Variants in EPG5 observed in about 807,000 individuals in gnomAD.
EPG5 encodes the protein ectopic P granules protein 5 homolog.
In EPG5, 159 loss-of-function variants were observed where a neutral mutation model predicts 302.7. The ratio of observed to expected loss-of-function variants is 0.53; its 90% CI spans 0.46 to 0.60. EPG5 has a LOEUF of 0.60. Among genes scored for constraint, EPG5 ranks in the 20% least tolerant of loss-of-function variants. The probability of loss-of-function intolerance (pLI) is 0.00; values close to 1 mark genes in which losing one functional copy is unlikely to be tolerated. For synonymous variants in EPG5, 1,158 were observed against 1,136.8 expected, an observed-to-expected ratio of 1.02 and a Z score of -0.37; for missense variants, 2,896 against 3,092.4, an observed-to-expected ratio of 0.94 and a Z score of 1.51.
intron 42 of EPG5, among the ~76,000 whole-genome samples, chr18:45,857,121 T>C (rs555263889): frequency 6.6e-6 from 1 of 152,058 alleles, no homozygotes; most frequent in Admixed American, 6.6e-5. Flanking sequence ...ATTTATTTAT[T>C]TATTTTTAGA....
intron 12 of EPG5, 48 bp downstream of exon 12, chr18:45,930,628 T>C (rs1248204499): frequency 4.1e-6 from 6 of 1,468,328 alleles, no homozygotes; most frequent in Non-Finnish European, 5.4e-6. Context: ...AGATGGACAA[T>C]CCAAAAGAAA....
At chr18:45,811,654 A>G in the EPG5 span, among the ~76,000 whole-genome samples, 1 of 152,232 alleles carries the variant, frequency 6.6e-6, no homozygotes, top group Non-Finnish European at 1.5e-5. Context: ...AAACAGAACC[A>G]AAGACAAAAA....
intron 40 of EPG5, 66 bp downstream of exon 40, chr18:45,860,038 G>T (rs1011950215): frequency 7.0e-6 from 11 of 1,582,388 alleles, no homozygotes; most frequent in Non-Finnish European, 9.5e-6. Flanking sequence ...CATATCTGCT[G>T]ATGACAATGC....
rs952888708 is a variant in EPG5 at position 45,946,836 on chromosome 18, A to C, written c.1572-68T>G. On this transcript the variant is annotated intron_variant, in intron 6 of 43. Coordinates refer to ENST00000282041, the MANE Select transcript of EPG5 (RefSeq NM_020964.3). ...TACGTGAGTGCATTGTGGATTCTCT[A>C]CTCACCCTGAAGAAGAGCCACACAT... The C allele has an allele frequency of 1.9e-5, 23 of 1,235,520 alleles. No individual in the cohort carries two copies. The East Asian group carries it at 5.4e-4, about 29-fold the overall frequency. The allele number at this position is 1,235,520 out of a possible 1,614,324, so 76.5% of individuals were successfully genotyped here.
chr18:45,945,335 A>C (rs946846031), intron 7 of EPG5, among the ~76,000 whole-genome samples: 5 of 152,164 alleles, frequency 3.3e-5, no homozygotes, highest in Admixed American at 6.5e-5. Context: ...CAAGGTTTGC[A>C]AGTTGCCCAG....
chr18:45,943,217 T>A lies in EPG5; in HGVS notation c.1887A>T (p.Glu629Asp). The A allele has an allele frequency of 6.2e-7, 1 of 1,614,178 alleles. No homozygotes were observed. The highest frequency in any genetic ancestry group is 8.5e-7 in the Non-Finnish European group (1 of 1,180,028). ...GCCTATAGCGTGCTCTATTAAAGGT[T>A]TCTAACCCCACAGCCAGAAGTTCCA... is the stretch of plus-strand genomic sequence containing the variant. Reference protein sequence around the residue: ...SLVELLAVGLETFNRARYRQF... With the variant: ...SLVELLAVGLDTFNRARYRQF... The change falls in exon 9 of 44, where the codon GAA becomes GAT. Residue 629 changes from glutamate to aspartate, a missense_variant. Physicochemically the swap from Glu to Asp is conservative, Grantham distance 45. Coordinates refer to ENST00000282041, the MANE Select transcript of EPG5 (RefSeq NM_020964.3).
At chr18:45,954,045 A>G (rs1456185796) in intron 2 of EPG5, 1 of 397,512 alleles carries the variant, frequency 2.5e-6, no homozygotes, top group African/African-American at 2.2e-5. Context: ...TTTGCAAATT[A>G]GGATTCCTCA....
At position 45,943,143 on chromosome 18, in the gene EPG5, G is replaced by A. The variant is rs1326536792; in HGVS notation, c.1943+18C>T. 2 of 1,612,190 alleles carry A rather than the reference G, an allele frequency of 1.2e-6. No homozygotes were observed. Among genetic ancestry groups the A allele is most frequent in the East Asian group, 4.5e-5 (2 of 44,846 alleles). ...AGGGTGAAAGGAACAGAGAAGGGTA[G>A]AGCAACAGCAGTATTACCTGATCAT... On this transcript the variant is annotated intron_variant, in intron 9 of 43. Coordinates refer to ENST00000282041, the MANE Select transcript of EPG5 (RefSeq NM_020964.3).
chr18:45,904,133 A>C lies in EPG5; in HGVS notation c.4330-16T>G. 1 of 1,605,870 alleles carries C rather than the reference A, an allele frequency of 6.2e-7. No homozygotes were observed. Among genetic ancestry groups the C allele is most frequent in the Non-Finnish European group, 8.5e-7 (1 of 1,178,024 alleles). ...TCCACAGATCCTGAAACAGAACGAC[A>C]GTACTTTAACTCTGACAGACAAGTC... On this transcript the variant is annotated splice_polypyrimidine_tract_variant and intron_variant, in intron 24 of 43. Coordinates refer to ENST00000282041, the MANE Select transcript of EPG5 (RefSeq NM_020964.3).
intron 35 of EPG5, among the ~76,000 whole-genome samples, chr18:45,872,454 G>A (rs993318621): frequency 3.3e-5 from 5 of 152,128 alleles, no homozygotes; most frequent in African/African-American, 9.7e-5. Flanking sequence ...TTGCAATCCC[G>A]GCACTTTGGG....
chr18:45,877,169 G>T (rs1177877018), intron 34 of EPG5, among the ~76,000 whole-genome samples: 2 of 152,148 alleles, frequency 1.3e-5, no homozygotes, highest in African/African-American at 4.8e-5. Context: ...GGCAGAAGTG[G>T]GCAGACTGCT....
chr18:45,808,351 G>T, the EPG5 span, among the ~76,000 whole-genome samples: 172 of 152,236 alleles, frequency 1.1e-3, 1 homozygote, highest in Admixed American at 5.2e-4. Flanking sequence ...TAGAGATCTA[G>T]ACATCCAAAT....
chr18:45,952,256 C>T (rs2050924798), intron 3 of EPG5, 144 bp downstream of exon 3: 2 of 929,440 alleles, frequency 2.2e-6, no homozygotes, highest in African/African-American at 3.3e-5. Flanking sequence ...GATCTCAATC[C>T]TACAGTGGGG....
chr18:45,949,845 G>A (rs2143700071), intron 4 of EPG5, among the ~76,000 whole-genome samples: 1 of 152,186 alleles, frequency 6.6e-6, no homozygotes, highest in Non-Finnish European at 1.5e-5. Context: ...CTAATTTCCT[G>A]GCCACAAGTG....
rs114523378 is a variant in EPG5 at position 45,852,197 on chromosome 18, C to T, written c.*270G>A. The T allele has an allele frequency of 0.01, 3,030 of 299,772 alleles. 51 individuals carry two copies. Among genetic ancestry groups the T allele is most frequent in the African/African-American group, 0.047 (2,160 of 45,696 alleles). The allele number at this position is 299,772 out of a possible 1,614,324, so 18.6% of individuals were successfully genotyped here. Reference sequence around the variant, plus strand: ...CATTCGGCAACTGTGAGTGGCTCTGCACCCAAGTGGAACTTAGTAAGTTTC... The same window carrying T: ...CATTCGGCAACTGTGAGTGGCTCTGTACCCAAGTGGAACTTAGTAAGTTTC... On this transcript the variant is annotated 3_prime_UTR_variant, in exon 44 of 44. Transcript: ENST00000282041.
At chr18:45,900,934 A>G in intron 26 of EPG5, 62 bp downstream of exon 26, 1 of 1,548,908 alleles carries the variant, frequency 6.5e-7, no homozygotes, top group Non-Finnish European at 8.8e-7. Flanking sequence ...CAGGTAGCAA[A>G]TTATCCAGGC....
chr18:45,801,697 T>C, the EPG5 span, among the ~76,000 whole-genome samples: 1 of 152,044 alleles, frequency 6.6e-6, no homozygotes, highest in East Asian at 1.9e-4. Context: ...CCTTCCCTTC[T>C]CCTACTCCCT....
intron 13 of EPG5, among the ~76,000 whole-genome samples, chr18:45,928,009 C>A (rs949455400): frequency 6.6e-6 from 1 of 152,102 alleles, no homozygotes; most frequent in African/African-American, 2.4e-5. Flanking sequence ...GCCTGACCAA[C>A]ACAGTGAAAC....
intron 10 of EPG5, among the ~76,000 whole-genome samples, chr18:45,935,264 C>T (rs747881171): frequency 9.2e-5 from 14 of 152,184 alleles, no homozygotes; most frequent in East Asian, 1.9e-4. Flanking sequence ...TGGATATGGC[C>T]GGGCGTGGTG....
Sources: gnomAD v4.1 joint callset for allele counts (sites outside exome capture counted in the v4.1 genomes callset) on GRCh38, gnomAD v4.1.1 for gene constraint, MANE v1.5 for transcripts, NCBI Gene and HGNC (gene_info 2026-07-23, HGNC 2026-07-21) for gene names.